The following TMEM132D variants were observed in gnomAD, a reference collection of about 807,000 sequenced individuals.
The protein encoded by TMEM132D is mature OL transmembrane protein.
TMEM132D carries 21 observed loss-of-function variants against 62.3 expected under a neutral mutation model. The observed-to-expected ratio is 0.34, with a 90% CI of 0.24 to 0.49. TMEM132D has a LOEUF of 0.49. TMEM132D is among the 20% of genes least tolerant of loss of function. The pLI is 0.99. For missense variants in TMEM132D, 1,346 were observed against 1,402.8 expected (o/e 0.96, Z 0.65); for synonymous variants, 621 against 575.6 (o/e 1.08, Z -1.13).
intron 5 of TMEM132D, among the ~76,000 whole-genome samples, chr12:129,118,609 A>G (rs1875965393): frequency 6.6e-6 from 1 of 152,236 alleles, no homozygotes; most frequent in African/African-American, 2.4e-5. Flanking sequence ...GAATGAAACA[A>G]TGCTACTTCC....
chr12:129,416,807 GT>G (rs1422351758), intron 3 of TMEM132D, among the ~76,000 whole-genome samples: 8 of 152,120 alleles, frequency 5.3e-5, no homozygotes, highest in Admixed American at 2.6e-4. Context: ...TAAACATGTG[GT>G]TTTTGTCATT....
At position 129,288,148 on chromosome 12, in the gene TMEM132D, T is replaced by C. The variant is rs372695087; in HGVS notation, c.1299+49486A>G. ...ACTCAAAATGTGTTAAATAGTTAAA[T>C]AGGGGAAAAGCTCCATGACATTGGT... is the stretch of plus-strand genomic sequence containing the variant. On this transcript the variant is annotated intron_variant, in intron 4 of 8. Coordinates refer to ENST00000422113, the MANE Select transcript of TMEM132D (RefSeq NM_133448.3). Among the ~76,000 whole-genome samples, 4 of 152,184 alleles carry C rather than the reference T, an allele frequency of 2.6e-5. No individual in the cohort carries two copies. In the East Asian group the frequency reaches 5.8e-4, roughly 22 times the overall value.
chr12:129,243,755 A>T (rs1460803695), intron 4 of TMEM132D, among the ~76,000 whole-genome samples: 1 of 152,192 alleles, frequency 6.6e-6, no homozygotes, highest in Non-Finnish European at 1.5e-5. Context: ...GATTTTCTTT[A>T]GCATGAATGA....
intron 3 of TMEM132D, among the ~76,000 whole-genome samples, chr12:129,492,038 T>C (rs1874811044): frequency 6.6e-6 from 1 of 152,232 alleles, no homozygotes; most frequent in South Asian, 2.1e-4. Flanking sequence ...CAAGTGGCAT[T>C]ATGAATTGGG....
intron 1 of TMEM132D, among the ~76,000 whole-genome samples, chr12:129,797,401 A>G (rs931813377): frequency 3.9e-5 from 6 of 152,192 alleles, no homozygotes; most frequent in African/African-American, 1.4e-4. Context: ...TAACGTTCAT[A>G]TTCCCTGCAC....
chr12:129,388,748 C>A lies in TMEM132D; in HGVS notation c.1116-50931G>T, dbSNP rs1179270264. On this transcript the variant is annotated intron_variant, in intron 3 of 8. Transcript: ENST00000422113. ...CTCATCCTAATATAAACACTAACAG[C>A]AACACCAATACTAACACCAACACCA... Among the ~76,000 whole-genome samples, 11 of 128,062 alleles carry A rather than the reference C, an allele frequency of 8.6e-5. 3 individuals carry two copies. Among genetic ancestry groups the A allele is most frequent in the Non-Finnish European group, 2.0e-4 (11 of 56,082 alleles). The allele number at this position is 128,062 out of a possible 152,430, so 84.0% of individuals were successfully genotyped here.
At chr12:129,237,378 C>T (rs1257996674) in intron 4 of TMEM132D, among the ~76,000 whole-genome samples, 1 of 152,100 alleles carries the variant, frequency 6.6e-6, no homozygotes, top group Non-Finnish European at 1.5e-5. Flanking sequence ...AATTTTTATA[C>T]ATGCTGTAAA....
intron 5 of TMEM132D, among the ~76,000 whole-genome samples, chr12:129,147,848 A>G (rs1876956898): frequency 6.6e-6 from 1 of 152,226 alleles, no homozygotes; most frequent in Non-Finnish European, 1.5e-5. Context: ...AACTCCTGCT[A>G]CACCAGATTT....
At chr12:129,661,128 C>G (rs1248974579) in intron 2 of TMEM132D, among the ~76,000 whole-genome samples, 1 of 152,142 alleles carries the variant, frequency 6.6e-6, no homozygotes, top group African/African-American at 2.4e-5. Context: ...GCTGGGCTAA[C>G]GGGACCTCCC....
At chr12:129,420,183 T>C (rs1055647497) in intron 3 of TMEM132D, among the ~76,000 whole-genome samples, 1 of 151,890 alleles carries the variant, frequency 6.6e-6, no homozygotes, top group Non-Finnish European at 1.5e-5. Context: ...GCAGGAAGAA[T>C]GCTCCCACCG....
intron 5 of TMEM132D, among the ~76,000 whole-genome samples, chr12:129,185,773 G>A (rs61944829): frequency 4.2e-4 from 57 of 136,018 alleles, no homozygotes; most frequent in East Asian, 7.3e-4. Context: ...CTGTCTGTCT[G>A]TCTATCTATC....
chr12:129,638,132 T>C (rs1409641156), intron 2 of TMEM132D, among the ~76,000 whole-genome samples: 2 of 152,178 alleles, frequency 1.3e-5, no homozygotes, highest in Admixed American at 6.5e-5. Flanking sequence ...TCCATCACCA[T>C]CCATAGAAAT....
chr12:129,534,448 C>T (rs977180413), intron 2 of TMEM132D, among the ~76,000 whole-genome samples: 1 of 150,662 alleles, frequency 6.6e-6, no homozygotes, highest in African/African-American at 2.4e-5. Context: ...TATATAAATG[C>T]AATTTGTATA....
At chr12:129,477,591 C>A (rs1237404660) in intron 3 of TMEM132D, among the ~76,000 whole-genome samples, 2 of 152,066 alleles carry the variant, frequency 1.3e-5, no homozygotes, top group Non-Finnish European at 1.5e-5. Context: ...GAGGCCGAGG[C>A]GGGTGGATCA....
intron 2 of TMEM132D, among the ~76,000 whole-genome samples, chr12:129,685,453 C>T (rs960965173): frequency 6.6e-6 from 1 of 152,194 alleles, no homozygotes; most frequent in African/African-American, 2.4e-5. Flanking sequence ...CCTGCAGGTG[C>T]ACAGAAGTCA....
chr12:129,337,833 AGAG>A lies in TMEM132D; in HGVS notation c.1116-19_1116-17del, dbSNP rs746464567. The A allele has an allele frequency of 3.3e-5, 52 of 1,585,760 alleles. No individual in the cohort carries two copies. In the African/African-American group the frequency reaches 5.3e-4, roughly 16 times the overall value. The stretch of plus-strand genomic sequence containing the variant: ...GCCATCCGCACTGGAGAGAAGACAC[AGAG>A]GAGAACAGCTTTCAGGGACTGATGA... On this transcript the variant is annotated splice_polypyrimidine_tract_variant and intron_variant, in intron 3 of 8. Coordinates refer to ENST00000422113, the MANE Select transcript of TMEM132D (RefSeq NM_133448.3).
chr12:129,442,104 A>C (rs1323982735), intron 3 of TMEM132D, among the ~76,000 whole-genome samples: 2 of 152,202 alleles, frequency 1.3e-5, no homozygotes, highest in African/African-American at 4.8e-5. Flanking sequence ...CCCATGTAAC[A>C]AACCTACACA....
Position 129,490,688 on chromosome 12 carries a change from C to A in TMEM132D, c.1115+40371G>T, listed in dbSNP as rs376168146. ...CAGGATGGTCTCCATCTCCTGACCT[C>A]GTGATCTGTCAGCCTCGGCCTCCCA... On this transcript the variant is annotated intron_variant, in intron 3 of 8. Transcript: ENST00000422113. 4.9e-5 allele frequency among the ~76,000 whole-genome samples: 7 copies of A among 141,892 alleles called. No individual in the cohort carries two copies. In the South Asian group the frequency reaches 6.7e-4, roughly 14 times the overall value. The allele number at this position is 141,892 out of a possible 152,430, so 93.1% of individuals were successfully genotyped here.
intron 5 of TMEM132D, among the ~76,000 whole-genome samples, chr12:129,143,553 G>A (rs375386557): frequency 2.0e-5 from 3 of 152,076 alleles, no homozygotes; most frequent in East Asian, 1.9e-4. Context: ...GTGAAAAATC[G>A]GCAGCAGAGA....
Sources: allele counts gnomAD v4.1 joint callset (sites outside exome capture counted in the v4.1 genomes callset), GRCh38; gene constraint gnomAD v4.1.1; transcripts MANE v1.5; gene names NCBI Gene and HGNC (gene_info 2026-07-23, HGNC 2026-07-21).